Variants in SLC22A2 observed in about 807,000 individuals in gnomAD.
SLC22A2 encodes the protein organic cation transporter 2.
In SLC22A2, 46 loss-of-function variants were observed where a neutral mutation model predicts 60.5. That is an observed-to-expected ratio of 0.76 (90% CI 0.60 to 0.97). The LOEUF is 0.97. Among genes scored for constraint, SLC22A2 ranks in the 50% least tolerant of loss-of-function variants. The pLI is 0.00. For synonymous variants in SLC22A2, 303 were observed against 267.0 expected (o/e 1.13, Z -1.31); for missense variants, 701 against 706.6 (o/e 0.99, Z 0.09).
chr6:160,226,027 A>G (rs1342909328), intron 9 of SLC22A2, among the ~76,000 whole-genome samples: 1 of 152,170 alleles, frequency 6.6e-6, no homozygotes, highest in East Asian at 1.9e-4. Flanking sequence ...ATAAGAAATT[A>G]TGGTTTAGGA....
At chr6:160,236,829 A>G (rs1406568714) in intron 9 of SLC22A2, among the ~76,000 whole-genome samples, 1 of 76,546 alleles carries the variant, frequency 1.3e-5, no homozygotes, top group Non-Finnish European at 3.5e-5. Flanking sequence ...ACTTATTGGT[A>G]TTAGAGGGTA....
At chr6:160,218,147 T>A (rs1306288944) in intron 10 of SLC22A2, 5 of 223,106 alleles carry the variant, frequency 2.2e-5, no homozygotes, top group Non-Finnish European at 4.5e-5. Context: ...TGGTTAGTAT[T>A]GTCTCGTTTT....
intron 9 of SLC22A2, among the ~76,000 whole-genome samples, chr6:160,230,230 C>A (rs1782797403): frequency 6.6e-6 from 1 of 151,920 alleles, no homozygotes; most frequent in Non-Finnish European, 1.5e-5. Flanking sequence ...CACACCCGGT[C>A]TGGTTTACAG....
intron 6 of SLC22A2, 101 bp downstream of exon 6, chr6:160,245,338 C>G: frequency 1.6e-6 from 1 of 642,214 alleles, no homozygotes; most frequent in East Asian, 2.9e-5. Flanking sequence ...CCACCGTCAG[C>G]GCTAATACCG....
intron 5 of SLC22A2, 99 bp from the exon 6 acceptor site, chr6:160,245,644 A>G (rs1236963577): frequency 1.4e-5 from 8 of 583,562 alleles, no homozygotes; most frequent in Non-Finnish European, 2.4e-5. Context: ...CTGAGCGCCC[A>G]TCTCATGCCC....
At chr6:160,220,010 T>G (rs1782621785) in intron 10 of SLC22A2, among the ~76,000 whole-genome samples, 1 of 152,196 alleles carries the variant, frequency 6.6e-6, no homozygotes, top group Non-Finnish European at 1.5e-5. Context: ...TGTTGAAACT[T>G]CTTAAAACAA....
At position 160,243,590 on chromosome 6, in the gene SLC22A2, A is replaced by G; in HGVS notation, c.1261T>C (p.Ser421Pro). 1 of 1,613,908 alleles carries G rather than the reference A, an allele frequency of 6.2e-7. No homozygotes were observed. The highest frequency in any genetic ancestry group is 1.3e-5 in the African/African-American group (1 of 75,040). Residue 421 changes from serine to proline, a missense_variant, in exon 7 of 11, where the codon TCA (serine) becomes CCA (proline). Transcript: ENST00000366953. The stretch of plus-strand genomic sequence containing the variant: ...AACTTACCACCAGGTATAAAAACTG[A>G]GGCCAGACAGGCTGCCCCTGCAACC... ...NMVAGAACLA[S>P]VFIPGDLQWL... is the part of the protein sequence containing the mutation.
At position 160,249,359 on chromosome 6, in the gene SLC22A2, A is replaced by G; in HGVS notation, c.699T>C (p.Tyr233=). Residue 233 remains tyrosine, a synonymous_variant, in exon 4 of 11, where the codon TAT becomes TAC. Transcript: ENST00000366953. ...GGTAAAAAATCCCCACTGTTCTCCG[A>G]TATCTCCGCCCAACAAATTCTGTAA... ...ILITEFVGRR[Y]RRTVGIFYQV... 1.2e-6 allele frequency: 2 copies of G among 1,613,656 alleles called. No individual in the cohort carries two copies.
chr6:160,249,370 C>T lies in SLC22A2; in HGVS notation c.688G>A (p.Gly230Arg). Residue 230 changes from glycine to arginine, a missense_variant, in exon 4 of 11, where the codon GGG (glycine) becomes AGG (arginine). Gly to Arg is a moderately radical substitution (Grantham distance 125, BLOSUM62 -2). Transcript: ENST00000366953. ...CCCACTGTTCTCCGATATCTCCGCC[C>T]AACAAATTCTGTAACTGCAGAGAGA... ...IGYILITEFV[G>R]RRYRRTVGIF... 6.2e-7 allele frequency: 1 copy of T among 1,613,194 alleles called. No homozygotes were observed. Among genetic ancestry groups the T allele is most frequent in the Non-Finnish European group, 8.5e-7 (1 of 1,179,600 alleles).
intron 6 of SLC22A2, among the ~76,000 whole-genome samples, chr6:160,244,028 C>T (rs1027161131): frequency 1.3e-5 from 2 of 152,068 alleles, no homozygotes; most frequent in African/African-American, 4.8e-5. Context: ...TTAGAAATTA[C>T]GATAATGTTT....
chr6:160,224,807 GA>G lies in SLC22A2; in HGVS notation c.1502-4del. 6.5e-7 allele frequency: 1 copy of G among 1,549,914 alleles called. No homozygotes were observed. ...TCCAGCAACCAAGCCAAGCACGCCTGAAAGCCAAACAGATGAATATCACATT... is the reference window on the plus strand; with the variant it reads ...TCCAGCAACCAAGCCAAGCACGCCTGAAGCCAAACAGATGAATATCACATT... On this transcript the variant is annotated splice_region_variant and splice_polypyrimidine_tract_variant and intron_variant, in intron 9 of 10. Transcript: ENST00000366953.
rs1183498530 is a variant in SLC22A2, at chr6:160,224,928, T to A, written c.1502-124A>T. On this transcript the variant is annotated intron_variant, in intron 9 of 10. Coordinates refer to ENST00000366953, the MANE Select transcript of SLC22A2 (RefSeq NM_003058.4). ...TTTTCTATACTTATTTACAGATTCC[T>A]TTGCCATCTCTGACTGCTGTATTTT... is the stretch of plus-strand genomic sequence containing the variant. The A allele has an allele frequency of 8.2e-6, 4 of 489,974 alleles. No homozygotes were observed. In the South Asian group the frequency reaches 1.3e-4, roughly 16 times the overall value. 30.4% of individuals were successfully genotyped at this position (489,974 alleles called of 1,614,324 possible).
chr6:160,220,878 C>T (rs1385714444), intron 10 of SLC22A2, among the ~76,000 whole-genome samples: 3 of 152,136 alleles, frequency 2.0e-5, no homozygotes, highest in Non-Finnish European at 4.4e-5. Flanking sequence ...TATCTGTACA[C>T]AGGCTTTGCT....
intron 6 of SLC22A2, 49 bp downstream of exon 6, chr6:160,245,390 T>C (rs936193324): frequency 9.4e-7 from 1 of 1,062,650 alleles, no homozygotes; most frequent in Non-Finnish European, 1.4e-6. Flanking sequence ...TATGGATGAC[T>C]GTGATTAAAA....
Position 160,258,801 on chromosome 6 carries a change from A to C in SLC22A2, c.-44T>G. On this transcript the variant is annotated 5_prime_UTR_variant, in exon 1 of 11. Transcript: ENST00000366953. ...GCCCGAGGCTGCCCGACGTGCCCGG[A>C]GCGAGGCTGAGAGCGGCTGCAGCCA... 1 of 1,501,324 alleles carries C rather than the reference A, an allele frequency of 6.7e-7. No individual in the cohort carries two copies. The highest frequency in any genetic ancestry group is 8.9e-7 in the Non-Finnish European group (1 of 1,126,184). The allele number at this position is 1,501,324 out of a possible 1,614,324, so 93.0% of individuals were successfully genotyped here.
intron 9 of SLC22A2, among the ~76,000 whole-genome samples, chr6:160,228,730 G>A (rs1782768439): frequency 6.6e-6 from 1 of 152,030 alleles, no homozygotes; most frequent in Non-Finnish European, 1.5e-5. Flanking sequence ...TGAAGTAACT[G>A]AAGAATCACA....
chr6:160,250,326 GCATTATGTTTAC>G (rs1783161672), intron 3 of SLC22A2, among the ~76,000 whole-genome samples: 1 of 152,110 alleles, frequency 6.6e-6, no homozygotes, highest in Admixed American at 6.5e-5. Context: ...AATCTGGGTG[GCATTATGTTTAC>G]CCTTGTTTCT....
intron 9 of SLC22A2, among the ~76,000 whole-genome samples, chr6:160,227,095 G>A (rs139977555): frequency 4.6e-5 from 7 of 152,252 alleles, no homozygotes; most frequent in Admixed American, 4.6e-4. Context: ...GCCATCTTTT[G>A]TGGAGAGAAT....
chr6:160,247,025 A>G (rs1783105544), intron 5 of SLC22A2, among the ~76,000 whole-genome samples, 159 bp downstream of exon 5: 1 of 152,338 alleles, frequency 6.6e-6, no homozygotes. Flanking sequence ...CACAAATCTT[A>G]GCATATAAAA....
Sources: allele counts gnomAD v4.1 joint callset (sites outside exome capture counted in the v4.1 genomes callset), GRCh38; gene constraint gnomAD v4.1.1; transcripts MANE v1.5; gene names NCBI Gene and HGNC (gene_info 2026-07-23, HGNC 2026-07-21).